Variants in SIPA1L1 observed in about 807,000 individuals in gnomAD.
SIPA1L1 encodes signal induced proliferation associated 1 like 1, also known as signal-induced proliferation-associated 1-like protein 1.
A neutral mutation model predicts 162.7 loss-of-function variants in SIPA1L1; 26 were observed. The observed-to-expected ratio is 0.16, with a 90% CI of 0.12 to 0.22. The LOEUF is 0.22. SIPA1L1 is among the 10% of genes least tolerant of loss of function. SIPA1L1 has a pLI of 1.00. For synonymous variants in SIPA1L1, 829 were observed against 837.4 expected (o/e 0.99, Z 0.17); for missense variants, 1,874 against 2,241.0 (o/e 0.84, Z 3.31).
chr14:71,392,293 C>G (rs919481935), intron 2 of SIPA1L1, among the ~76,000 whole-genome samples: 2 of 152,158 alleles, frequency 1.3e-5, no homozygotes, highest in South Asian at 2.1e-4. Context: ...CTCTGTTGAT[C>G]GCTTTCTTCT....
At chr14:71,663,145 A>G (rs931925335) in intron 10 of SIPA1L1, among the ~76,000 whole-genome samples, 2 of 152,352 alleles carry the variant, frequency 1.3e-5, no homozygotes, top group East Asian at 1.9e-4. Flanking sequence ...GTGCCAAGAT[A>G]TAGATGAAAT....
At chr14:71,593,368 TG>T (rs2035640689) in intron 5 of SIPA1L1, among the ~76,000 whole-genome samples, 1 of 152,030 alleles carries the variant, frequency 6.6e-6, no homozygotes, top group African/African-American at 2.4e-5. Flanking sequence ...TGCAGCACTG[TG>T]CCAAGCTAAT....
Position 71,462,519 on chromosome 14 carries a change from C to T in SIPA1L1, c.-464-50224C>T, listed in dbSNP as rs147631154. ...CCGAAATCCAAATAGGTCCACTAGG[C>T]GTTGTGCCTCTTTCTTGGTTGTAGG... is the stretch of plus-strand genomic sequence containing the variant. On this transcript the variant is annotated intron_variant, in intron 2 of 23. Transcript: ENST00000381232. 3.9e-5 allele frequency among the ~76,000 whole-genome samples: 6 copies of T among 152,306 alleles called. No homozygotes were observed. The East Asian group carries it at 1.2e-3, about 29-fold the overall frequency.
rs56703594 is a variant in SIPA1L1, at chr14:71,636,808, G to A, written c.1818+12572G>A. On this transcript the variant is annotated intron_variant, in intron 7 of 23. Transcript: ENST00000381232. ...TATAATCCCAACACTTTGGGAGGCC[G>A]AGGTGGGCAGATCACTTGCGATCAG... is the stretch of plus-strand genomic sequence containing the variant. 1.7e-3 allele frequency among the ~76,000 whole-genome samples: 256 copies of A among 152,256 alleles called. 3 individuals are homozygous for A. In the East Asian group the frequency reaches 0.044, roughly 26 times the overall value.
chr14:71,712,320 A>G lies in SIPA1L1; in HGVS notation c.4208+2656A>G, dbSNP rs371414436. ...TACATTAATACAGGTTGGTAATTAC[A>G]TAGAGTTGCTATATTTGAATGTCAT... is the stretch of plus-strand genomic sequence containing the variant. On this transcript the variant is annotated intron_variant, in intron 17 of 23. Transcript: ENST00000381232. 3.3e-5 allele frequency among the ~76,000 whole-genome samples: 5 copies of G among 152,302 alleles called. No homozygotes were observed. In the East Asian group the frequency reaches 7.7e-4, roughly 23 times the overall value.
chr14:71,353,485 A>G (rs2140666855), intron 2 of SIPA1L1, among the ~76,000 whole-genome samples: 1 of 152,278 alleles, frequency 6.6e-6, no homozygotes, highest in Middle Eastern at 3.4e-3. Flanking sequence ...CTTGCTGAAG[A>G]ATTTCCTCTC....
intron 4 of SIPA1L1, among the ~76,000 whole-genome samples, chr14:71,550,703 C>G (rs2055733051): frequency 6.6e-6 from 1 of 152,018 alleles, no homozygotes; most frequent in Non-Finnish European, 1.5e-5. Flanking sequence ...TCCAACTCTT[C>G]AGACTTGTAT....
chr14:71,368,142 C>CTTTTTTTTT (rs755238643), intron 2 of SIPA1L1, among the ~76,000 whole-genome samples: 2 of 115,184 alleles, frequency 1.7e-5, no homozygotes, highest in African/African-American at 3.3e-5. Context: ...TTGTGGTATT[C>CTTTTTTTTT]TTTTTTTTTT....
At chr14:71,628,193 A>T (rs1469217261) in intron 7 of SIPA1L1, among the ~76,000 whole-genome samples, 3 of 152,218 alleles carry the variant, frequency 2.0e-5, no homozygotes, top group African/African-American at 7.2e-5. Flanking sequence ...GTCAGCTTTT[A>T]AATAATGTAG....
At chr14:71,495,617 G>A (rs1242164933) in intron 2 of SIPA1L1, among the ~76,000 whole-genome samples, 3 of 151,154 alleles carry the variant, frequency 2.0e-5, no homozygotes, top group African/African-American at 7.3e-5. Flanking sequence ...CTGTTTTTCT[G>A]TTTTCAGTTT....
chr14:71,470,406 G>A (rs867602502), intron 2 of SIPA1L1, among the ~76,000 whole-genome samples: 23 of 152,306 alleles, frequency 1.5e-4, no homozygotes, highest in African/African-American at 4.1e-4. Flanking sequence ...CTTCAGCAGC[G>A]CCCAAACTTT....
At chr14:71,502,072 CTT>C (rs578226783) in intron 2 of SIPA1L1, among the ~76,000 whole-genome samples, 1 of 133,444 alleles carries the variant, frequency 7.5e-6, no homozygotes. Flanking sequence ...TTGAACATAG[CTT>C]TTTTTTTTTT....
At chr14:71,600,761 T>A (rs933842375) in intron 5 of SIPA1L1, among the ~76,000 whole-genome samples, 2 of 152,198 alleles carry the variant, frequency 1.3e-5, no homozygotes, top group African/African-American at 4.8e-5. Context: ...CAACAGTGTT[T>A]CGTAGTTTTC....
At chr14:71,447,519 C>G (rs565900025) in intron 2 of SIPA1L1, among the ~76,000 whole-genome samples, 4 of 149,976 alleles carry the variant, frequency 2.7e-5, no homozygotes, top group Non-Finnish European at 5.9e-5. Context: ...GGATACTTTA[C>G]TATGGTTTAC....
chr14:71,665,544 A>G (rs1673809155), intron 10 of SIPA1L1, among the ~76,000 whole-genome samples: 1 of 152,214 alleles, frequency 6.6e-6, no homozygotes, highest in Admixed American at 6.5e-5. Flanking sequence ...TTAGAAGCAA[A>G]AAAAAGAAGA....
intron 2 of SIPA1L1, among the ~76,000 whole-genome samples, chr14:71,443,248 G>A (rs749998185): frequency 6.6e-6 from 1 of 152,076 alleles, no homozygotes; most frequent in Non-Finnish European, 1.5e-5. Flanking sequence ...TTGTAGTCCA[G>A]TATCTAGTGT....
rs754554271 is a variant in SIPA1L1 at position 71,709,610 on chromosome 14, C to T, written c.4154C>T (p.Pro1385Leu). Residue 1385 changes from proline to leucine, a missense_variant, in exon 17 of 24, where the codon CCT (proline) becomes CTT (leucine). Pro to Leu is a moderately conservative substitution (Grantham distance 98, BLOSUM62 -3). Transcript: ENST00000381232. ...AGCAAGAGCCAAGCCGGCTCGACCC[C>T]TCTGACAAGGGAGAACAGCACCTTC... is the stretch of plus-strand genomic sequence containing the variant. ...IHSKSQAGSTPLTRENSTFSI... is the reference protein window; with the variant it reads ...IHSKSQAGSTLLTRENSTFSI... The T allele has an allele frequency of 2.5e-6, 4 of 1,614,218 alleles. No homozygotes were observed. Among genetic ancestry groups the T allele is most frequent in the Non-Finnish European group, 3.4e-6 (4 of 1,180,044 alleles).
intron 4 of SIPA1L1, among the ~76,000 whole-genome samples, chr14:71,585,732 AT>A (rs2034510708): frequency 6.6e-6 from 1 of 152,206 alleles, no homozygotes; most frequent in Non-Finnish European, 1.5e-5. Flanking sequence ...GTTGTGAGAA[AT>A]GTTGAAAGCA....
intron 8 of SIPA1L1, among the ~76,000 whole-genome samples, chr14:71,655,439 C>T (rs2042975140): frequency 1.3e-5 from 2 of 152,096 alleles, no homozygotes; most frequent in Non-Finnish European, 2.9e-5. Context: ...CAAATTAGTG[C>T]AGGTGCCATT....
Sources: allele counts gnomAD v4.1 joint callset (sites outside exome capture counted in the v4.1 genomes callset), GRCh38; gene constraint gnomAD v4.1.1; transcripts MANE v1.5; gene names NCBI Gene and HGNC (gene_info 2026-07-23, HGNC 2026-07-21).